Variants in DCDC1 observed in about 807,000 individuals in gnomAD.
DCDC1 encodes doublecortin domain-containing protein 1.
A neutral mutation model predicts 178.3 loss-of-function variants in DCDC1; 200 were observed. The observed-to-expected ratio is 1.12, with a 90% CI of 1.00 to 1.26. The LOEUF (loss-of-function observed/expected upper bound fraction) is 1.26, where lower values mean the gene tolerates loss of function less well. Ranked by LOEUF, DCDC1 falls within the 50% of genes most tolerant of loss-of-function variation. The pLI is 0.00. For missense variants in DCDC1, 1,983 were observed against 1,749.2 expected (o/e 1.13, Z -2.38); for synonymous variants, 690 against 604.8 (o/e 1.14, Z -2.07).
intron 20 of DCDC1, among the ~76,000 whole-genome samples, chr11:31,011,445 G>C (rs935749171): frequency 6.6e-6 from 1 of 151,958 alleles, no homozygotes; most frequent in Non-Finnish European, 1.5e-5. Flanking sequence ...ATAGAAAATG[G>C]GTAAAAGATA....
At chr11:31,044,566 G>A (rs1954700458) in intron 20 of DCDC1, among the ~76,000 whole-genome samples, 1 of 151,768 alleles carries the variant, frequency 6.6e-6, no homozygotes, top group Admixed American at 6.6e-5. Flanking sequence ...CAAGGAACAT[G>A]GGTACCCTCT....
chr11:31,235,382 C>A (rs1235854466), intron 9 of DCDC1, among the ~76,000 whole-genome samples: 2 of 151,356 alleles, frequency 1.3e-5, no homozygotes, highest in Non-Finnish European at 2.9e-5. Context: ...GGTCCATATT[C>A]TGTAAAGGGA....
chr11:31,202,841 G>T (rs1416487932), intron 9 of DCDC1, among the ~76,000 whole-genome samples: 1 of 152,044 alleles, frequency 6.6e-6, no homozygotes, highest in Non-Finnish European at 1.5e-5. Flanking sequence ...AAAGAGGCCA[G>T]GAAAAAACAA....
intron 37 of DCDC1, among the ~76,000 whole-genome samples, chr11:30,880,503 A>G (rs1942564112): frequency 6.6e-6 from 1 of 152,136 alleles, no homozygotes; most frequent in Non-Finnish European, 1.5e-5. Flanking sequence ...TATTACCAAC[A>G]TAGGGATGCC....
At chr11:31,237,607 T>C (rs1367175244) in intron 9 of DCDC1, among the ~76,000 whole-genome samples, 1 of 151,994 alleles carries the variant, frequency 6.6e-6, no homozygotes, top group Non-Finnish European at 1.5e-5. Flanking sequence ...TTACTACAAA[T>C]AGCTCAAATA....
chr11:31,201,280 A>G lies in DCDC1; in HGVS notation c.1221+40170T>C, dbSNP rs1383969627. Among the ~76,000 whole-genome samples, 3 of 151,824 alleles carry G rather than the reference A, an allele frequency of 2.0e-5. No individual in the cohort carries two copies. In the South Asian group the frequency reaches 6.2e-4, roughly 31 times the overall value. ...CAGTATAAAATATGTAATATATTTA[A>G]TATCATTAAATTAAAATTAACATTA... On this transcript the variant is annotated intron_variant, in intron 9 of 38. Transcript: ENST00000684477.
chr11:30,909,113 A>G lies in DCDC1; in HGVS notation c.3751T>C (p.Tyr1251His), dbSNP rs1407569850. The change falls in exon 29 of 39, where the codon TAT becomes CAT. Residue 1251 changes from tyrosine to histidine, a missense_variant. Transcript: ENST00000684477. ...VCGYPVIVQK[Y>H]KPYNNGAANQ... ...GCAGCTCCATTGTTGTACGGCTTAT[A>G]TTTCTGAAAAAAGAGGCAAAATATG... 5.0e-6 allele frequency: 8 copies of G among 1,602,152 alleles called. No homozygotes were observed. Among genetic ancestry groups the G allele is most frequent in the Non-Finnish European group, 6.0e-6 (7 of 1,171,952 alleles).
intron 16 of DCDC1, among the ~76,000 whole-genome samples, chr11:31,091,874 A>T (rs2135670165): frequency 6.6e-6 from 1 of 152,336 alleles, no homozygotes; most frequent in South Asian, 2.1e-4. Context: ...GAAAAAAAAT[A>T]GTGCAGTGAA....
chr11:31,010,921 T>C (rs1347525346), intron 20 of DCDC1, among the ~76,000 whole-genome samples: 1 of 152,186 alleles, frequency 6.6e-6, no homozygotes, highest in Non-Finnish European at 1.5e-5. Flanking sequence ...ACCGTATAGA[T>C]ATTTAGAATA....
At chr11:31,225,560 AAT>A (rs1275111236) in intron 9 of DCDC1, among the ~76,000 whole-genome samples, 2 of 150,938 alleles carry the variant, frequency 1.3e-5, no homozygotes, top group East Asian at 3.9e-4. Flanking sequence ...TAAATATGTA[AAT>A]ATGTGTTATA....
intron 3 of DCDC1, among the ~76,000 whole-genome samples, chr11:31,315,972 A>C (rs1949088096): frequency 8.9e-6 from 1 of 112,988 alleles, no homozygotes; most frequent in Non-Finnish European, 1.7e-5. Flanking sequence ...ATGTCCCTAC[A>C]AAGGATATGA....
chr11:31,287,587 A>T (rs1264798021), intron 7 of DCDC1, among the ~76,000 whole-genome samples: 1 of 151,988 alleles, frequency 6.6e-6, no homozygotes, highest in Non-Finnish European at 1.5e-5. Context: ...GTCACCTACA[A>T]AGGACGATGA....
intron 32 of DCDC1, among the ~76,000 whole-genome samples, chr11:30,903,172 G>T (rs1281041826): frequency 2.0e-5 from 3 of 151,988 alleles, no homozygotes; most frequent in Non-Finnish European, 2.9e-5. Flanking sequence ...ACTCAGTTTG[G>T]TTCTGAGTAA....
At chr11:31,152,229 T>C (rs1965245902) in intron 9 of DCDC1, among the ~76,000 whole-genome samples, 1 of 152,214 alleles carries the variant, frequency 6.6e-6, no homozygotes, top group African/African-American at 2.4e-5. Context: ...CACACTGTCT[T>C]TTTATTTTCG....
intron 9 of DCDC1, among the ~76,000 whole-genome samples, chr11:31,179,919 C>G (rs919558677): frequency 1.3e-5 from 2 of 152,158 alleles, no homozygotes; most frequent in African/African-American, 2.4e-5. Flanking sequence ...TCCAACAGCA[C>G]ATTGAAAAGA....
intron 3 of DCDC1, among the ~76,000 whole-genome samples, chr11:31,311,043 T>C (rs983605768): frequency 1.3e-5 from 2 of 152,194 alleles, no homozygotes; most frequent in Non-Finnish European, 2.9e-5. Context: ...GATTTACCTC[T>C]ATCCTCCCCC....
At chr11:31,333,356 T>C (rs1038595749) in intron 2 of DCDC1, among the ~76,000 whole-genome samples, 1 of 152,204 alleles carries the variant, frequency 6.6e-6, no homozygotes, top group Non-Finnish European at 1.5e-5. Context: ...TGTCTTGTAA[T>C]TGGGGCATTT....
At chr11:31,012,909 A>T (rs1952258957) in intron 20 of DCDC1, among the ~76,000 whole-genome samples, 1 of 152,194 alleles carries the variant, frequency 6.6e-6, no homozygotes, top group Non-Finnish European at 1.5e-5. Flanking sequence ...AATTCAGAAT[A>T]TAGGTAAACT....
chr11:30,995,400 G>A (rs150708457), intron 20 of DCDC1, among the ~76,000 whole-genome samples: 463 of 152,098 alleles, frequency 3.0e-3, no homozygotes, highest in Non-Finnish European at 4.8e-3. Context: ...TGTAGATTTC[G>A]ACAAGCTGGT....
Sources: gnomAD v4.1 joint callset for allele counts (sites outside exome capture counted in the v4.1 genomes callset) on GRCh38, gnomAD v4.1.1 for gene constraint, MANE v1.5 for transcripts, NCBI Gene and HGNC (gene_info 2026-07-23, HGNC 2026-07-21) for gene names.